Variants in ZNF469 observed in about 807,000 individuals in gnomAD.
The protein encoded by ZNF469 is zinc finger protein 469.
Under a neutral mutation model 1.0 loss-of-function variants are expected in ZNF469, and 1 was observed. That is an observed-to-expected ratio of 1.00 (90% confidence interval 0.35 to 4.73). The LOEUF (loss-of-function observed/expected upper bound fraction) is 4.73. Ranked by LOEUF, ZNF469 falls within the 30% of genes most tolerant of loss-of-function variation. ZNF469 has a pLI of 0.16. For synonymous variants in ZNF469, 2,703 were observed against 2,363.4 expected, an observed-to-expected ratio of 1.14 and a Z score of -4.17; for missense variants, 6,100 against 5,356.3, an observed-to-expected ratio of 1.14 and a Z score of -4.33.
chr16:88,197,419 A>G, the ZNF469 span, among the ~76,000 whole-genome samples: 2 of 152,234 alleles, frequency 1.3e-5, no homozygotes, highest in Admixed American at 1.3e-4. Flanking sequence ...TGCTGGATAC[A>G]TAGAAGGTAC....
At chr16:88,312,152 T>C in the ZNF469 span, among the ~76,000 whole-genome samples, 1 of 151,684 alleles carries the variant, frequency 6.6e-6, no homozygotes, top group South Asian at 2.1e-4. Flanking sequence ...TTCAGTACCA[T>C]GAGAACAGTA....
At position 88,401,734 on chromosome 16, in the gene ZNF469, G is replaced by A. The variant is rs199517612; in HGVS notation, c.-192+18480G>A. Among the ~76,000 whole-genome samples, 20 of 146,442 alleles carry A rather than the reference G, an allele frequency of 1.4e-4. No homozygotes were observed. In the East Asian group the frequency reaches 3.3e-3, roughly 24 times the overall value. On this transcript the variant is annotated intron_variant, in intron 1 of 2. Transcript: ENST00000565624. ...GGGTAGATGGATGGGTGGATGGGTG[G>A]ATGGATGGGTGATTGGATGGATGGA... is the stretch of plus-strand genomic sequence containing the variant.
rs1301919191 is a variant in ZNF469 at position 88,428,655 on chromosome 16, A to G, written c.1185A>G (p.Arg395=). The G allele has an allele frequency of 6.5e-7, 1 of 1,549,990 alleles. No homozygotes were observed. The highest frequency in any genetic ancestry group is 1.2e-5 in the South Asian group (1 of 84,056). The part of the protein sequence containing the change: ...PSAQDGLGST[R]GPPSSLPQRH... ...CCCAGGATGGGCTGGGGAGCACGAG[A>G]GGGCCCCCTAGCTCCCTACCCCAGA... The change falls in exon 3 of 3, where the codon AGA becomes AGG. Residue 395 remains arginine (R), a synonymous_variant. Coordinates refer to ENST00000565624, the MANE Select transcript of ZNF469 (RefSeq NM_001367624.2).
intron 1 of ZNF469, among the ~76,000 whole-genome samples, chr16:88,384,103 C>G (rs1417382689): frequency 1.3e-5 from 2 of 152,240 alleles, no homozygotes; most frequent in African/African-American, 2.4e-5. Flanking sequence ...CATCCCCAGC[C>G]GTGAGCCATG....
chr16:88,139,549 C>T, the ZNF469 span, among the ~76,000 whole-genome samples: 1 of 151,602 alleles, frequency 6.6e-6, no homozygotes, highest in African/African-American at 2.4e-5. Context: ...AGGAAAATTG[C>T]TGTGAAAAGT....
chr16:88,389,493 C>G (rs1042505064), intron 1 of ZNF469, among the ~76,000 whole-genome samples: 1 of 152,246 alleles, frequency 6.6e-6, no homozygotes, highest in Non-Finnish European at 1.5e-5. Flanking sequence ...TGTGTGGGCA[C>G]CCACTGTCAT....
At chr16:88,420,755 A>C (rs1905431910) in intron 1 of ZNF469, among the ~76,000 whole-genome samples, 1 of 152,114 alleles carries the variant, frequency 6.6e-6, no homozygotes, top group South Asian at 2.1e-4. Flanking sequence ...GTTCTGTTTA[A>C]CCCTCTGACC....
rs1219425309 is a variant in ZNF469 at position 88,434,868 on chromosome 16, A to G, written c.7398A>G (p.Gln2466=). Residue 2466 remains glutamine, a synonymous_variant, in exon 3 of 3, where the codon CAA becomes CAG. Coordinates refer to ENST00000565624, the MANE Select transcript of ZNF469 (RefSeq NM_001367624.2). The part of the protein sequence containing the change: ...ASTENGQWKG[Q]APHGPVTCEV... ...CAGAGAACGGCCAGTGGAAGGGCCAAGCTCCACATGGGCCTGTGACCTGTG... is the reference window on the plus strand; with the variant it reads ...CAGAGAACGGCCAGTGGAAGGGCCAGGCTCCACATGGGCCTGTGACCTGTG... 3.9e-6 allele frequency: 6 copies of G among 1,550,382 alleles called. No individual in the cohort carries two copies. Among genetic ancestry groups the G allele is most frequent in the Non-Finnish European group, 5.2e-6 (6 of 1,146,988 alleles).
At chr16:88,146,978 A>AG in the ZNF469 span, among the ~76,000 whole-genome samples, 1 of 152,012 alleles carries the variant, frequency 6.6e-6, no homozygotes, top group Admixed American at 6.5e-5. Flanking sequence ...CCACGTCAGG[A>AG]GGGGTCTGCT....
chr16:88,352,677 C>T, the ZNF469 span, among the ~76,000 whole-genome samples: 1 of 152,372 alleles, frequency 6.6e-6, no homozygotes, highest in Middle Eastern at 3.4e-3. Flanking sequence ...CCTTCCCCTC[C>T]CTGGCTGGTA....
At chr16:88,296,492 C>T in the ZNF469 span, among the ~76,000 whole-genome samples, 6 of 149,518 alleles carry the variant, frequency 4.0e-5, no homozygotes, top group African/African-American at 1.5e-4. Flanking sequence ...CACATATGTG[C>T]ACACTCACAG....
the ZNF469 span, among the ~76,000 whole-genome samples, chr16:88,258,691 G>C: frequency 1.1e-4 from 17 of 152,316 alleles, no homozygotes; most frequent in South Asian, 2.1e-3. Flanking sequence ...GATGGTGGTG[G>C]TGGTCCTTGT....
chr16:88,368,273 G>T, the ZNF469 span, among the ~76,000 whole-genome samples: 1 of 152,250 alleles, frequency 6.6e-6, no homozygotes, highest in East Asian at 1.9e-4. Context: ...CAGATACTGA[G>T]GAGGGCGTAA....
At chr16:88,321,866 A>T in the ZNF469 span, among the ~76,000 whole-genome samples, 1 of 152,244 alleles carries the variant, frequency 6.6e-6, no homozygotes, top group Non-Finnish European at 1.5e-5. Flanking sequence ...GCTGATGGCC[A>T]AGGCCAGTGC....
intron 1 of ZNF469, among the ~76,000 whole-genome samples, chr16:88,397,460 C>T (rs931117354): frequency 7.1e-6 from 1 of 141,056 alleles, no homozygotes; most frequent in African/African-American, 2.8e-5. Context: ...TAAAGGAGAT[C>T]GATGGAGCTG....
At chr16:88,272,142 A>C in the ZNF469 span, among the ~76,000 whole-genome samples, 2 of 147,864 alleles carry the variant, frequency 1.4e-5, no homozygotes, top group Non-Finnish European at 3.0e-5. Context: ...GGGTAGGTGG[A>C]TGGATAGACG....
At chr16:88,415,356 C>G (rs1905276052) in intron 1 of ZNF469, among the ~76,000 whole-genome samples, 1 of 152,228 alleles carries the variant, frequency 6.6e-6, no homozygotes, top group Non-Finnish European at 1.5e-5. Flanking sequence ...CCTCAGGAGC[C>G]AGGGCCCTTC....
At chr16:88,175,248 C>A in the ZNF469 span, among the ~76,000 whole-genome samples, 1 of 152,146 alleles carries the variant, frequency 6.6e-6, no homozygotes, top group Non-Finnish European at 1.5e-5. Flanking sequence ...GTAACCTCAC[C>A]AACAGACACA....
the ZNF469 span, among the ~76,000 whole-genome samples, chr16:88,294,369 C>T: frequency 2.0e-5 from 3 of 152,196 alleles, no homozygotes. Flanking sequence ...CAAATACCTG[C>T]CTAGTGCTGT....
Sources: gnomAD v4.1 joint callset for allele counts (sites outside exome capture counted in the v4.1 genomes callset) on GRCh38, gnomAD v4.1.1 for gene constraint, MANE v1.5 for transcripts, NCBI Gene and HGNC (gene_info 2026-07-23, HGNC 2026-07-21) for gene names.